The following SLC14A2 variants were observed in gnomAD, a reference collection of about 807,000 sequenced individuals.
SLC14A2 encodes the protein solute carrier family 14 member 2.
In SLC14A2, 91 loss-of-function variants were observed where a neutral mutation model predicts 104.6. The ratio of observed to expected loss-of-function variants is 0.87; its 90% CI spans 0.73 to 1.04. The LOEUF is 1.04. SLC14A2 is among the 50% of genes least tolerant of loss of function. SLC14A2 has a pLI of 0.00. For synonymous variants in SLC14A2, 476 were observed against 466.4 expected (o/e 1.02, Z -0.27); for missense variants, 1,189 against 1,156.0 (o/e 1.03, Z -0.41).
chr18:45,299,479 C>T (rs1037010901), intron 1 of SLC14A2, among the ~76,000 whole-genome samples: 10 of 151,952 alleles, frequency 6.6e-5, no homozygotes, highest in South Asian at 2.1e-4. Flanking sequence ...TTTATTTTTT[C>T]GAGATGGAGT....
intron 1 of SLC14A2, among the ~76,000 whole-genome samples, chr18:45,427,266 G>GA (rs34941376): frequency 0.36 from 53,528 of 148,672 alleles, 11,399 homozygotes; most frequent in Non-Finnish European, 0.48. Context: ...AAAAGAAAGG[G>GA]AAAAAAAAAA....
intron 1 of SLC14A2, among the ~76,000 whole-genome samples, chr18:45,399,076 A>G (rs2086067155): frequency 6.6e-6 from 1 of 152,262 alleles, no homozygotes; most frequent in Admixed American, 6.5e-5. Flanking sequence ...CATCCTCACA[A>G]CAATCTCAAG....
At chr18:45,663,518 T>C (rs925008375) in intron 10 of SLC14A2, among the ~76,000 whole-genome samples, 3 of 152,200 alleles carry the variant, frequency 2.0e-5, no homozygotes, top group African/African-American at 7.2e-5. Flanking sequence ...AGTGCTTCCT[T>C]GCACACTAAG....
intron 1 of SLC14A2, among the ~76,000 whole-genome samples, chr18:45,620,097 T>C (rs16978429): frequency 0.31 from 47,576 of 152,086 alleles, 7,773 homozygotes; most frequent in East Asian, 0.51. Flanking sequence ...AAATTCCCCG[T>C]TGTAACAGAG....
intron 2 of SLC14A2, among the ~76,000 whole-genome samples, chr18:45,532,411 C>T (rs2043707674): frequency 6.6e-6 from 1 of 151,528 alleles, no homozygotes; most frequent in African/African-American, 2.4e-5. Flanking sequence ...TGAAGAGGTC[C>T]TTCACATCCC....
chr18:45,560,423 C>A (rs1014211201), intron 2 of SLC14A2, among the ~76,000 whole-genome samples: 2 of 152,122 alleles, frequency 1.3e-5, no homozygotes, highest in African/African-American at 4.8e-5. Context: ...ATCCATATAC[C>A]TCAGGGATTT....
At chr18:45,403,145 T>G (rs912058324) in intron 1 of SLC14A2, among the ~76,000 whole-genome samples, 4 of 152,164 alleles carry the variant, frequency 2.6e-5, no homozygotes, top group South Asian at 2.1e-4. Context: ...GGCTTTCAGA[T>G]AGCTGCCTTC....
At chr18:45,195,897 CAG>C in the SLC14A2 span, among the ~76,000 whole-genome samples, 2 of 151,998 alleles carry the variant, frequency 1.3e-5, no homozygotes, top group Non-Finnish European at 2.9e-5. Context: ...ACAAATCAAA[CAG>C]AGTTTAATTG....
At chr18:45,434,006 T>A (rs1359968521) in intron 1 of SLC14A2, among the ~76,000 whole-genome samples, 4 of 152,132 alleles carry the variant, frequency 2.6e-5, no homozygotes, top group Admixed American at 1.3e-4. Context: ...CAATGGCAGA[T>A]AGTCCTTTAC....
chr18:45,499,911 G>A (rs1415770877), intron 2 of SLC14A2, among the ~76,000 whole-genome samples: 1 of 152,146 alleles, frequency 6.6e-6, no homozygotes, highest in Non-Finnish European at 1.5e-5. Flanking sequence ...CCTCTTCTTT[G>A]TCTCTCTCCA....
Position 45,682,709 on chromosome 18 carries a change from T to C in SLC14A2, c.*190T>C. 2 of 594,400 alleles carry C rather than the reference T, an allele frequency of 3.4e-6. No homozygotes were observed. Among genetic ancestry groups the C allele is most frequent in the Non-Finnish European group, 6.0e-6 (2 of 331,240 alleles). The allele number at this position is 594,400 out of a possible 1,614,324, so 36.8% of individuals were successfully genotyped here. ...AGATGCACAACACTTATCAAAGATA[T>C]GTTTAGTTTAGACTTTATACCCTTA... On this transcript the variant is annotated 3_prime_UTR_variant, in exon 20 of 20. Transcript: ENST00000255226.
intron 1 of SLC14A2, among the ~76,000 whole-genome samples, chr18:45,456,193 G>C (rs1322303630): frequency 6.6e-6 from 1 of 152,112 alleles, no homozygotes; most frequent in Non-Finnish European, 1.5e-5. Flanking sequence ...AATGCCCCCT[G>C]GGGGCTAAAA....
chr18:45,422,322 A>G (rs2086360815), intron 1 of SLC14A2, among the ~76,000 whole-genome samples: 1 of 152,204 alleles, frequency 6.6e-6, no homozygotes, highest in Admixed American at 6.5e-5. Context: ...GAATATAGAG[A>G]TTTCACTAGC....
At chr18:45,492,512 C>T (rs1377137287) in intron 2 of SLC14A2, among the ~76,000 whole-genome samples, 5 of 152,104 alleles carry the variant, frequency 3.3e-5, no homozygotes, top group Admixed American at 6.5e-5. Context: ...TTCACTATCA[C>T]GAAAACAGCA....
intron 1 of SLC14A2, among the ~76,000 whole-genome samples, chr18:45,247,132 C>T (rs1410480620): frequency 1.3e-5 from 2 of 152,150 alleles, no homozygotes; most frequent in African/African-American, 4.8e-5. Flanking sequence ...AGAATTTCAG[C>T]ACACCCAATA....
chr18:45,625,624 A>G, intron 2 of SLC14A2, 59 bp from the exon 3 acceptor site: 1 of 1,425,366 alleles, frequency 7.0e-7, no homozygotes, highest in South Asian at 1.4e-5. Flanking sequence ...CTCTATCCCC[A>G]AATGTCCCTG....
intron 19 of SLC14A2, among the ~76,000 whole-genome samples, chr18:45,681,157 G>A (rs2046305547): frequency 2.0e-4 from 1 of 5,078 alleles, no homozygotes. Flanking sequence ...TCCACCTCCC[G>A]GGTTCACGCC....
the SLC14A2 span, among the ~76,000 whole-genome samples, chr18:45,173,498 AAG>A: frequency 6.6e-6 from 1 of 151,992 alleles, no homozygotes; most frequent in Admixed American, 6.6e-5. Context: ...AAAAAAAAAA[AAG>A]GAAAAACTTA....
At chr18:45,396,676 CTT>C (rs2086036801) in intron 1 of SLC14A2, among the ~76,000 whole-genome samples, 1 of 114,544 alleles carries the variant, frequency 8.7e-6, no homozygotes, top group Admixed American at 9.1e-5. Context: ...TTTTTTTTAA[CTT>C]TTATTTTAGG....
Sources: allele counts gnomAD v4.1 joint callset (sites outside exome capture counted in the v4.1 genomes callset), GRCh38; gene constraint gnomAD v4.1.1; transcripts MANE v1.5; gene names NCBI Gene and HGNC (gene_info 2026-07-23, HGNC 2026-07-21).